The following CASKIN2 variants were observed in gnomAD, a reference collection of about 807,000 sequenced individuals.
CASKIN2 encodes caskin-2.
A neutral mutation model predicts 107.1 loss-of-function variants in CASKIN2; 41 were observed. That is an observed-to-expected ratio of 0.38 (90% CI 0.30 to 0.50). The LOEUF (loss-of-function observed/expected upper bound fraction) is 0.50, where lower values mean the gene tolerates loss of function less well. CASKIN2 is among the 20% of genes least tolerant of loss of function. The probability of loss-of-function intolerance (pLI) is 0.92; values close to 1 mark genes in which losing one functional copy is unlikely to be tolerated. For synonymous variants in CASKIN2, 724 were observed against 705.6 expected, an observed-to-expected ratio of 1.03 and a Z score of -0.41; for missense variants, 1,546 against 1,657.4, an observed-to-expected ratio of 0.93 and a Z score of 1.17.
rs374938664 is a variant in CASKIN2 at position 75,513,918 on chromosome 17, G to A, written c.-114C>T. On this transcript the variant is annotated 5_prime_UTR_variant, in exon 2 of 20. Coordinates refer to ENST00000321617, the MANE Select transcript of CASKIN2 (RefSeq NM_020753.5). ...AGCCCCTTGGAGGGCTCCCGGTTCC[G>A]GGGGAGCAAGTCAGGTGTCCCAGGC... The A allele has an allele frequency of 2.2e-5, 19 of 883,438 alleles. No homozygotes were observed. The highest frequency in any genetic ancestry group is 3.0e-5 in the Non-Finnish European group (17 of 560,334). 54.7% of individuals were successfully genotyped at this position (883,438 alleles called of 1,614,324 possible).
intron 2 of CASKIN2, among the ~76,000 whole-genome samples, chr17:75,512,242 C>A (rs1170747993): frequency 3.3e-5 from 5 of 152,232 alleles, no homozygotes; most frequent in Non-Finnish European, 7.3e-5. Flanking sequence ...CCAGAGGAGA[C>A]CTTCCCATCC....
At position 75,513,781 on chromosome 17, in the gene CASKIN2, G is replaced by T; in HGVS notation, c.24C>A (p.Ile8=). The T allele has an allele frequency of 6.2e-7, 1 of 1,613,786 alleles. No individual in the cohort carries two copies. ...TCACATCTCCATTCTTGACGGCGAGGATCAGGTCCTGTTCACGACCCATAC... is the reference window on the plus strand; with the variant it reads ...TCACATCTCCATTCTTGACGGCGAGTATCAGGTCCTGTTCACGACCCATAC... MGREQDL[I]LAVKNGDVTG... is the part of the protein sequence containing the mutation. The change falls in exon 2 of 20, where the codon ATC becomes ATA. Residue 8 remains isoleucine (I), a synonymous_variant. Transcript: ENST00000321617.
In CASKIN2 at chr17:75,505,665, G is replaced by T; in HGVS notation, c.836-14C>A. On this transcript the variant is annotated splice_polypyrimidine_tract_variant and intron_variant, in intron 9 of 19. Transcript: ENST00000321617. This position sits in a 1 kb window ranked among gnomAD's most constrained non-coding sequence, Gnocchi z 5.1. ...TCCCTGAGGCCTCTAAGAAAACGGG[G>T]TGGGGGACAGGTGTCATCTAAGGGT... 7 of 1,610,670 alleles carry T rather than the reference G, an allele frequency of 4.3e-6. No homozygotes were observed. The highest frequency in any genetic ancestry group is 5.9e-6 in the Non-Finnish European group (7 of 1,178,206).
Position 75,503,192 on chromosome 17 carries a change from G to T in CASKIN2, c.1882C>A (p.Gln628Lys), listed in dbSNP as rs1323102003. 1 of 1,599,636 alleles carries T rather than the reference G, an allele frequency of 6.3e-7. No individual in the cohort carries two copies. Among genetic ancestry groups the T allele is most frequent in the East Asian group, 2.2e-5 (1 of 44,592 alleles). Reference sequence around the variant, plus strand: ...CCGCCTTCGCTGAGGGCCTCCCCCTGCAGCAGGCCCCGCCGAAGCTCCGCC... The same window carrying T: ...CCGCCTTCGCTGAGGGCCTCCCCCTTCAGCAGGCCCCGCCGAAGCTCCGCC... ...RLAELRRGLLQGEALSEGGRR... is the reference protein window; with the variant it reads ...RLAELRRGLLKGEALSEGGRR... The change falls in exon 18 of 20, where the codon CAG (glutamine) becomes AAG (lysine). Residue 628 changes from glutamine to lysine, a missense_variant. Gln to Lys is a moderately conservative substitution (Grantham distance 53, BLOSUM62 1). This residue lies in a region of CASKIN2 where 1,311 missense variants were observed against 1,311.0 expected (regional missense o/e 1.00). Coordinates refer to ENST00000321617, the MANE Select transcript of CASKIN2 (RefSeq NM_020753.5).
At chr17:75,503,806 G>T in intron 15 of CASKIN2, 46 bp from the exon 16 acceptor site, 2 of 1,609,476 alleles carry the variant, frequency 1.2e-6, no homozygotes, top group Non-Finnish European at 8.5e-7. Flanking sequence ...CGCCTGCTGG[G>T]CCCTCCCCCG....
At chr17:75,510,121 C>T (rs1219373838) in intron 2 of CASKIN2, among the ~76,000 whole-genome samples, 1 of 152,164 alleles carries the variant, frequency 6.6e-6, no homozygotes, top group African/African-American at 2.4e-5. Context: ...ATTTAGGCTC[C>T]CGGGCAGAGG....
Position 75,502,727 on chromosome 17 carries a change from C to G in CASKIN2, c.2347G>C (p.Gly783Arg). 2 of 1,577,568 alleles carry G rather than the reference C, an allele frequency of 1.3e-6. No individual in the cohort carries two copies. The highest frequency in any genetic ancestry group is 1.7e-6 in the Non-Finnish European group (2 of 1,160,592). Residue 783 changes from glycine (G) to arginine (R), a missense_variant, in exon 18 of 20, where the codon GGG (glycine) becomes CGG (arginine). Gly to Arg is a moderately radical substitution (Grantham distance 125). Coordinates refer to ENST00000321617, the MANE Select transcript of CASKIN2 (RefSeq NM_020753.5). This position sits in a 1 kb window ranked among gnomAD's most constrained non-coding sequence, Gnocchi z 4.3. ...GGGTCTGGGGGAGTGGCAGGGGGCCCGGCCAAGTAGGAGAAGGCCCAGGGT... is the reference window on the plus strand; with the variant it reads ...GGGTCTGGGGGAGTGGCAGGGGGCCGGGCCAAGTAGGAGAAGGCCCAGGGT... ...GAPWAFSYLA[G>R]PPATPPDPPR...
intron 2 of CASKIN2, among the ~76,000 whole-genome samples, chr17:75,509,306 C>CT (rs1187594724): frequency 2.0e-5 from 3 of 152,212 alleles, no homozygotes; most frequent in Admixed American, 1.3e-4. Context: ...AGGAGTGGGC[C>CT]TGGCTTGGCC....
At chr17:75,501,230 G>C (rs2053177161) in intron 19 of CASKIN2, 60 bp from the exon 20 acceptor site, 1 of 1,461,596 alleles carries the variant, frequency 6.8e-7, no homozygotes, top group Admixed American at 2.1e-5. Context: ...ACTGGCCCTG[G>C]GGCAGGGAGC....
chr17:75,504,995 A>G lies in CASKIN2; in HGVS notation c.1009T>C (p.Phe337Leu). The G allele has an allele frequency of 2.5e-6, 4 of 1,610,108 alleles. No homozygotes were observed. Among genetic ancestry groups the G allele is most frequent in the East Asian group, 2.2e-5 (1 of 44,690 alleles). The change falls in exon 11 of 20, where the codon TTC becomes CTC. Residue 337 changes from phenylalanine to leucine, a missense_variant. Transcript: ENST00000321617. ...SQRGTDRIGY[F>L]PPGIVEVVSK... Reference sequence around the variant, plus strand: ...ACCACCTCGACAATGCCCGGGGGGAAGTAGCCTATGCGGTCTGTGCCCCTC... The same window carrying G: ...ACCACCTCGACAATGCCCGGGGGGAGGTAGCCTATGCGGTCTGTGCCCCTC...
intron 15 of CASKIN2, 32 bp from the exon 16 acceptor site, chr17:75,503,792 C>A (rs1265024323): frequency 1.2e-6 from 2 of 1,610,518 alleles, no homozygotes; most frequent in South Asian, 2.2e-5. Context: ...TCAGGCCCCT[C>A]CCCCGCCTGC....
At position 75,506,769 on chromosome 17, in the gene CASKIN2, G is replaced by A. The variant is rs781003054; in HGVS notation, c.486+30C>T. 3 of 1,613,798 alleles carry A rather than the reference G, an allele frequency of 1.9e-6. No individual in the cohort carries two copies. Among genetic ancestry groups the A allele is most frequent in the Admixed American group, 1.7e-5 (1 of 60,016 alleles). On this transcript the variant is annotated intron_variant, in intron 6 of 19. Transcript: ENST00000321617. The surrounding 1 kb of genome is among the most constrained non-coding windows in gnomAD (Gnocchi z 4.8). ...CTCCTGAGACCCTGTAGATGTCCAG[G>A]ACCCAGCACCCCAAGGCTGCAGGCC...
rs903282541 is a variant in CASKIN2 at position 75,505,541 on chromosome 17, G to C, written c.930+16C>G. ...CATTTGTATTTGCAAAGGAATGCCT[G>C]CTTGGGGTCCCTCACCGTGATGACA... On this transcript the variant is annotated intron_variant, in intron 10 of 19. Transcript: ENST00000321617. The surrounding 1 kb of genome is among the most constrained non-coding windows in gnomAD (Gnocchi z 5.1). The C allele has an allele frequency of 3.0e-5, 48 of 1,611,306 alleles. No homozygotes were observed. The highest frequency in any genetic ancestry group is 4.1e-5 in the Non-Finnish European group (48 of 1,178,192).
intron 2 of CASKIN2, among the ~76,000 whole-genome samples, chr17:75,508,934 C>G (rs979959765): frequency 6.6e-6 from 1 of 152,230 alleles, no homozygotes; most frequent in Non-Finnish European, 1.5e-5. Flanking sequence ...ACATCTAGCC[C>G]TCCTGACATG....
chr17:75,504,801 G>C lies in CASKIN2; in HGVS notation c.1192+11C>G, dbSNP rs779977036. The stretch of plus-strand genomic sequence containing the variant: ...ACACAGTGCCCAGCACTGCCCCCTG[G>C]GAGGATGTACCTGGGCTGTCTGGGC... On this transcript the variant is annotated intron_variant, in intron 11 of 19. Transcript: ENST00000321617. 11 of 1,605,872 alleles carry C rather than the reference G, an allele frequency of 6.8e-6. No individual in the cohort carries two copies. The South Asian group carries it at 1.1e-4, about 16-fold the overall frequency.
Position 75,503,540 on chromosome 17 carries a change from C to T in CASKIN2, c.1681-13G>A, listed in dbSNP as rs542258936. On this transcript the variant is annotated splice_polypyrimidine_tract_variant and intron_variant, in intron 16 of 19. Coordinates refer to ENST00000321617, the MANE Select transcript of CASKIN2 (RefSeq NM_020753.5). ...CCAGCAGGTCCGTCTGGAAGAGCAC[C>T]GTCCTCAGAACAACTCCCAGCCAGC... The T allele has an allele frequency of 8.1e-6, 13 of 1,606,000 alleles. No homozygotes were observed. The highest frequency in any genetic ancestry group is 3.3e-5 in the Admixed American group (2 of 59,916).
Position 75,506,693 on chromosome 17 carries a change from G to A in CASKIN2, c.507C>T (p.Asn169=). 1 of 1,613,512 alleles carries A rather than the reference G, an allele frequency of 6.2e-7. No homozygotes were observed. Among genetic ancestry groups the A allele is most frequent in the African/African-American group, 1.3e-5 (1 of 75,012 alleles). Residue 169 remains asparagine (N), a synonymous_variant, in exon 7 of 20, where the codon AAC becomes AAT. Transcript: ENST00000321617. This position sits in a 1 kb window ranked among gnomAD's most constrained non-coding sequence, Gnocchi z 4.8. ...CCAGCAGTGCCACACATAAGTGGCT[G>A]TTCAGAAGCAGCTGGGCCACCTGCA... ...GRLKVAQLLL[N]SHLCVALLEG...
chr17:75,504,546 C>A (rs1249697438), intron 12 of CASKIN2, 26 bp downstream of exon 12: 1 of 1,595,228 alleles, frequency 6.3e-7, no homozygotes, highest in Non-Finnish European at 8.6e-7. Flanking sequence ...TGAGCCCTGA[C>A]CTGGTCCGTG....
Position 75,505,231 on chromosome 17 carries a change from T to G in CASKIN2, c.931-158A>C. The G allele has an allele frequency of 1.2e-6, 1 of 833,166 alleles. No individual in the cohort carries two copies. The highest frequency in any genetic ancestry group is 1.9e-6 in the Non-Finnish European group (1 of 531,326). The allele number at this position is 833,166 out of a possible 1,614,324, so 51.6% of individuals were successfully genotyped here. A position where few individuals can be genotyped will look rare whatever the true frequency, so the allele number is the denominator to read the frequency against. ...CCCACACTGGCCCAAGTTCCGCCCC[T>G]GCTGCCAGCAGCCAGCTCAATCTCC... On this transcript the variant is annotated intron_variant, in intron 10 of 19. Coordinates refer to ENST00000321617, the MANE Select transcript of CASKIN2 (RefSeq NM_020753.5). This position sits in a 1 kb window ranked among gnomAD's most constrained non-coding sequence, Gnocchi z 5.1.
Sources: allele counts gnomAD v4.1 joint callset (sites outside exome capture counted in the v4.1 genomes callset), GRCh38; gene constraint gnomAD v4.1.1; regional missense constraint gnomAD v4.1.1; non-coding constraint Gnocchi (gnomAD v3.1); transcripts MANE v1.5; gene names NCBI Gene and HGNC (gene_info 2026-07-23, HGNC 2026-07-21).